The following SRPK2 variants were observed in gnomAD, a reference collection of about 807,000 sequenced individuals.
The protein encoded by SRPK2 is SRSF protein kinase 2.
Under a neutral mutation model 90.8 loss-of-function variants are expected in SRPK2, and 21 were observed. That is an observed-to-expected ratio of 0.23 (90% CI 0.16 to 0.33). The LOEUF is 0.33. Ranked by LOEUF, SRPK2 falls within the 10% of genes least tolerant of loss-of-function variation. The pLI is 1.00. For synonymous variants in SRPK2, 288 were observed against 311.1 expected, an observed-to-expected ratio of 0.93 and a Z score of 0.78; for missense variants, 620 against 869.0, an observed-to-expected ratio of 0.71 and a Z score of 3.60.
chr7:105,214,523 A>C (rs945737570), intron 2 of SRPK2, among the ~76,000 whole-genome samples: 8 of 152,230 alleles, frequency 5.3e-5, no homozygotes, highest in African/African-American at 1.4e-4. Flanking sequence ...CTAAATGTCT[A>C]TCAATAGGAA....
chr7:105,116,863 T>C lies in SRPK2; in HGVS notation c.*975A>G, dbSNP rs924327267. 3 of 152,194 alleles carry C rather than the reference T, an allele frequency of 2.0e-5. No homozygotes were observed. Among genetic ancestry groups the C allele is most frequent in the African/African-American group, 4.8e-5 (2 of 41,446 alleles). 9.4% of individuals were successfully genotyped at this position (152,194 alleles called of 1,614,324 possible). A position where few individuals can be genotyped will look rare whatever the true frequency, so the allele number is the denominator to read the frequency against. On this transcript the variant is annotated 3_prime_UTR_variant, in exon 16 of 16. Transcript: ENST00000393651. ...TGCCCACTGCACTGCAAATTGTATA[T>C]ACCATACCTTGTGTTCTAGACAAGC... is the stretch of plus-strand genomic sequence containing the variant.
chr7:105,232,838 C>A (rs1440362378), intron 2 of SRPK2, among the ~76,000 whole-genome samples: 1 of 151,968 alleles, frequency 6.6e-6, no homozygotes, highest in Non-Finnish European at 1.5e-5. Context: ...CATGGTGAAA[C>A]CTCGTCTCTA....
chr7:105,370,220 C>T (rs1165622900), intron 2 of SRPK2, among the ~76,000 whole-genome samples: 6 of 152,138 alleles, frequency 3.9e-5, no homozygotes, highest in Admixed American at 3.9e-4. Flanking sequence ...ATCTCTACTA[C>T]ATCTCAATGA....
At chr7:105,281,932 T>G (rs1017506115) in intron 2 of SRPK2, among the ~76,000 whole-genome samples, 1 of 152,198 alleles carries the variant, frequency 6.6e-6, no homozygotes, top group African/African-American at 2.4e-5. Flanking sequence ...AAATTCCAAC[T>G]GCCTTTTTTG....
intron 2 of SRPK2, among the ~76,000 whole-genome samples, chr7:105,380,763 C>G (rs906265228): frequency 1.3e-5 from 2 of 151,684 alleles, no homozygotes; most frequent in Non-Finnish European, 2.9e-5. Flanking sequence ...ACCTTGTGAT[C>G]TGCCCACCTC....
chr7:105,388,538 G>GA (rs1478217548), intron 2 of SRPK2, 110 bp downstream of exon 2: 7 of 961,616 alleles, frequency 7.3e-6, no homozygotes, highest in Non-Finnish European at 7.2e-6. Flanking sequence ...CGTCCCGGGG[G>GA]ACCAGCCCGC....
rs530638562 is a variant in SRPK2, at chr7:105,326,243, G to T, written c.71+62405C>A. 1.2e-4 allele frequency among the ~76,000 whole-genome samples: 19 copies of T among 152,232 alleles called. No homozygotes were observed. In the South Asian group the frequency reaches 3.9e-3, roughly 32 times the overall value. ...ATTACAACCCACCAACTAGACTATT[G>T]CAACAGCATGCTCTCTAGTCTCCTA... On this transcript the variant is annotated intron_variant, in intron 2 of 15. Coordinates refer to ENST00000393651, the MANE Select transcript of SRPK2 (RefSeq NM_182692.3).
intron 2 of SRPK2, among the ~76,000 whole-genome samples, chr7:105,243,569 TGCAGTGAGCCAAGACC>T (rs1227068235): frequency 7.0e-6 from 1 of 143,118 alleles, no homozygotes; most frequent in East Asian, 2.1e-4. Flanking sequence ...AGGTGGAGGC[TGCAGTGAGCCAAGACC>T]GCACCATTGC....
intron 2 of SRPK2, chr7:105,244,801 C>A: frequency 1.0e-6 from 1 of 963,566 alleles, no homozygotes; most frequent in African/African-American, 1.6e-5. Flanking sequence ...CATGTGGCTT[C>A]GCCCCGTACA....
At chr7:105,177,218 C>CT (rs1039843222) in intron 3 of SRPK2, among the ~76,000 whole-genome samples, 2 of 151,902 alleles carry the variant, frequency 1.3e-5, no homozygotes, top group African/African-American at 2.4e-5. Flanking sequence ...TGATGACTTG[C>CT]TTTTTTTAAA....
At chr7:105,131,324 C>A (rs1008618959) in intron 13 of SRPK2, among the ~76,000 whole-genome samples, 7 of 152,174 alleles carry the variant, frequency 4.6e-5, no homozygotes, top group African/African-American at 1.7e-4. Context: ...TCTCAGTCTG[C>A]CTGCTGGGGT....
intron 3 of SRPK2, among the ~76,000 whole-genome samples, chr7:105,171,553 A>G (rs936102814): frequency 6.6e-6 from 1 of 152,254 alleles, no homozygotes; most frequent in African/African-American, 2.4e-5. Flanking sequence ...TAGAGCAGTT[A>G]TAGGAAGTAT....
intron 11 of SRPK2, among the ~76,000 whole-genome samples, chr7:105,138,547 C>T (rs1803230447): frequency 1.3e-5 from 2 of 152,058 alleles, no homozygotes; most frequent in Admixed American, 6.6e-5. Flanking sequence ...GCCTTTAATC[C>T]CAGCATTTTG....
intron 3 of SRPK2, among the ~76,000 whole-genome samples, chr7:105,200,530 T>A (rs1405201511): frequency 6.6e-6 from 1 of 151,552 alleles, no homozygotes; most frequent in Non-Finnish European, 1.5e-5. Flanking sequence ...GGGATAAATA[T>A]TTGAATGGGT....
intron 2 of SRPK2, among the ~76,000 whole-genome samples, chr7:105,271,997 A>G (rs1015721425): frequency 6.6e-6 from 1 of 152,196 alleles, no homozygotes; most frequent in African/African-American, 2.4e-5. Context: ...GCTTTATAAT[A>G]GTATTTGCAT....
chr7:105,192,920 T>C (rs1410584446), intron 3 of SRPK2, among the ~76,000 whole-genome samples: 1 of 152,172 alleles, frequency 6.6e-6, no homozygotes, highest in Non-Finnish European at 1.5e-5. Context: ...TTTGAGTTCA[T>C]TGTAGTTTCT....
At chr7:105,390,461 C>G (rs1822130708), upstream of SRPK2, among the ~76,000 whole-genome samples, 1 of 152,058 alleles carries the variant, frequency 6.6e-6, no homozygotes, top group Admixed American at 6.6e-5. Flanking sequence ...TGGAGTCTCA[C>G]TCTATCACCC....
At chr7:105,288,905 T>TA (rs1808550038) in intron 2 of SRPK2, among the ~76,000 whole-genome samples, 1 of 151,860 alleles carries the variant, frequency 6.6e-6, no homozygotes. Context: ...AATAAAGAGG[T>TA]AAGTATAAAA....
intron 2 of SRPK2, among the ~76,000 whole-genome samples, chr7:105,235,041 G>A (rs1382310790): frequency 1.3e-5 from 2 of 151,438 alleles, no homozygotes; most frequent in African/African-American, 4.9e-5. Context: ...GTTAGTGTTA[G>A]CGTATCTTAT....
Sources: allele counts gnomAD v4.1 joint callset (sites outside exome capture counted in the v4.1 genomes callset), GRCh38; gene constraint gnomAD v4.1.1; transcripts MANE v1.5; gene names NCBI Gene and HGNC (gene_info 2026-07-23, HGNC 2026-07-21).